The following C11orf65 variants were observed in gnomAD, a reference collection of about 807,000 sequenced individuals.
C11orf65 encodes the protein protein MFI.
In C11orf65, 38 loss-of-function variants were observed where a neutral mutation model predicts 35.3. The ratio of observed to expected loss-of-function variants is 1.08; its 90% confidence interval spans 0.83 to 1.41. The LOEUF (loss-of-function observed/expected upper bound fraction) is 1.41, where lower values mean the gene tolerates loss of function less well. C11orf65 is among the 40% of genes most tolerant of loss of function. C11orf65 has a pLI of 0.00. For missense variants in C11orf65, 370 were observed against 367.1 expected (o/e 1.01, Z -0.06); for synonymous variants, 105 against 114.4 (o/e 0.92, Z 0.53).
At chr11:108,343,289 T>C (rs876660461) in intron 2 of C11orf65, 1 of 1,614,042 alleles carries the variant, frequency 6.2e-7, no homozygotes, top group Non-Finnish European at 8.5e-7. Flanking sequence ...ATTGGTGAAT[T>C]TCTTGTTAAC....
chr11:108,389,294 A>G (rs2092090128), intron 7 of C11orf65, among the ~76,000 whole-genome samples: 1 of 152,240 alleles, frequency 6.6e-6, no homozygotes, highest in African/African-American at 2.4e-5. Context: ...GCTGGAAAGA[A>G]GGGGCTTATG....
chr11:108,326,818 ATTAT>A (rs962174545), downstream of C11orf65, among the ~76,000 whole-genome samples: 1 of 151,874 alleles, frequency 6.6e-6, no homozygotes, highest in Non-Finnish European at 1.5e-5. Context: ...ACTGTGCTTT[ATTAT>A]TTATTTATTT....
chr11:108,396,400 T>G (rs2092308914), intron 6 of C11orf65, among the ~76,000 whole-genome samples: 1 of 152,088 alleles, frequency 6.6e-6, no homozygotes, highest in Admixed American at 6.6e-5. Context: ...ACCTCTTATT[T>G]TTCTTTTTTC....
chr11:108,371,166 T>C (rs192586781), intron 2 of C11orf65, among the ~76,000 whole-genome samples: 3 of 152,180 alleles, frequency 2.0e-5, no homozygotes, highest in Non-Finnish European at 4.4e-5. Context: ...ATCTTGCTTA[T>C]TAGTTCTTGC....
chr11:108,427,377 T>C (rs1356720244), intron 3 of C11orf65, among the ~76,000 whole-genome samples: 3 of 149,064 alleles, frequency 2.0e-5, no homozygotes, highest in Non-Finnish European at 4.4e-5. Context: ...GGGTGAAGGA[T>C]ATGAACAGAT....
chr11:108,309,135 T>A, intron 6 of C11orf65: 1 of 931,250 alleles, frequency 1.1e-6, no homozygotes, highest in East Asian at 2.7e-5. Context: ...TCCAAGCTTG[T>A]GCTGTGTAAA....
intron 3 of C11orf65, chr11:108,334,848 C>A: frequency 1.6e-6 from 2 of 1,212,272 alleles, no homozygotes; most frequent in Non-Finnish European, 2.4e-6. Flanking sequence ...TAGTTCTTAA[C>A]CACTATCACA....
intron 2 of C11orf65, chr11:108,368,368 G>A (rs1591397449): frequency 4.8e-6 from 1 of 209,664 alleles, no homozygotes; most frequent in Non-Finnish European, 9.7e-6. Flanking sequence ...AAGGACAAAT[G>A]AGGAGTAGTT....
At chr11:108,398,063 T>C (rs2092360444) in intron 6 of C11orf65, among the ~76,000 whole-genome samples, 1 of 152,170 alleles carries the variant, frequency 6.6e-6, no homozygotes, top group Non-Finnish European at 1.5e-5. Context: ...GTTGTTGCCA[T>C]GCAGCTGAGC....
intron 1 of C11orf65, among the ~76,000 whole-genome samples, chr11:108,463,922 TA>T (rs2093501330): frequency 7.3e-6 from 1 of 137,138 alleles, no homozygotes; most frequent in Non-Finnish European, 1.6e-5. Flanking sequence ...AAAGATTTGT[TA>T]ATTTTTTTTT....
chr11:108,386,882 C>T (rs557086484), intron 7 of C11orf65, among the ~76,000 whole-genome samples: 102 of 152,032 alleles, frequency 6.7e-4, no homozygotes, highest in Non-Finnish European at 1.2e-3. Flanking sequence ...GAGATCGAGA[C>T]GACCCTGGCT....
intron 2 of C11orf65, chr11:108,356,206 A>G (rs2089901470): frequency 6.6e-6 from 1 of 152,198 alleles, no homozygotes; most frequent in Admixed American, 6.5e-5. Flanking sequence ...TGTCGAAATT[A>G]AACTCTAAAG....
intron 2 of C11orf65, among the ~76,000 whole-genome samples, chr11:108,437,542 A>T (rs1442864920): frequency 6.6e-6 from 1 of 151,702 alleles, no homozygotes; most frequent in Non-Finnish European, 1.5e-5. Flanking sequence ...CGTCTCTACT[A>T]AGCATACAAA....
intron 2 of C11orf65, among the ~76,000 whole-genome samples, chr11:108,345,543 C>T (rs1458926093): frequency 6.6e-6 from 1 of 152,146 alleles, no homozygotes; most frequent in East Asian, 1.9e-4. Flanking sequence ...CTTCCTCCCC[C>T]AACAATTAAT....
At chr11:108,419,714 C>A (rs563420677) in intron 3 of C11orf65, among the ~76,000 whole-genome samples, 3 of 152,014 alleles carry the variant, frequency 2.0e-5, no homozygotes, top group South Asian at 4.2e-4. Flanking sequence ...AAAATAAAAT[C>A]AAAAAACTCT....
At chr11:108,359,672 C>G (rs1227403845) in intron 2 of C11orf65, among the ~76,000 whole-genome samples, 1 of 152,052 alleles carries the variant, frequency 6.6e-6, no homozygotes, top group African/African-American at 2.4e-5. Flanking sequence ...ACATGGAAAC[C>G]AAACAACCTG....
chr11:108,337,286 A>G (rs998166611), intron 2 of C11orf65, among the ~76,000 whole-genome samples: 2 of 152,202 alleles, frequency 1.3e-5, no homozygotes, highest in Admixed American at 6.5e-5. Flanking sequence ...AATTTGTGAC[A>G]TGGAACCTTC....
intron 6 of C11orf65, among the ~76,000 whole-genome samples, chr11:108,311,039 C>T (rs1055057025): frequency 5.3e-5 from 8 of 152,204 alleles, no homozygotes; most frequent in African/African-American, 1.9e-4. Context: ...GCGATCATAG[C>T]TCACTGTAGC....
intron 1 of C11orf65, among the ~76,000 whole-genome samples, chr11:108,462,298 G>A (rs986791853): frequency 5.9e-5 from 9 of 152,152 alleles, no homozygotes; most frequent in African/African-American, 2.2e-4. Context: ...TCCCACCTCT[G>A]CCTCTGAAAG....
Sources: gnomAD v4.1 joint callset for allele counts (sites outside exome capture counted in the v4.1 genomes callset) on GRCh38, gnomAD v4.1.1 for gene constraint, MANE v1.5 for transcripts, NCBI Gene and HGNC (gene_info 2026-07-23, HGNC 2026-07-21) for gene names.